ARF4: variants seen among roughly 807,000 people sequenced by gnomAD.
The protein encoded by ARF4 is ADP-ribosylation factor 4.
In ARF4, 5 loss-of-function variants were observed where a neutral mutation model predicts 24.3. The ratio of observed to expected loss-of-function variants is 0.21; its 90% confidence interval spans 0.11 to 0.43. The LOEUF (loss-of-function observed/expected upper bound fraction) is 0.43, where lower values mean the gene tolerates loss of function less well. ARF4 is among the 20% of genes least tolerant of loss of function. The pLI is 1.00. For missense variants in ARF4, 107 were observed against 213.0 expected (o/e 0.50, Z 3.10); for synonymous variants, 62 against 73.5 (o/e 0.84, Z 0.80).
chr3:57,583,693 C>T (rs141747522), intron 3 of ARF4, among the ~76,000 whole-genome samples: 1 of 152,274 alleles, frequency 6.6e-6, no homozygotes, highest in East Asian at 1.9e-4. Context: ...CAAACACTTA[C>T]CGCAATTGCT....
chr3:57,586,004 GGA>G (rs2070032557), intron 1 of ARF4, among the ~76,000 whole-genome samples: 1 of 152,042 alleles, frequency 6.6e-6, no homozygotes, highest in African/African-American at 2.4e-5. Flanking sequence ...GTACAAGTAG[GGA>G]GGAATGTGTT....
chr3:57,579,239 A>T (rs1367141603), intron 3 of ARF4, among the ~76,000 whole-genome samples: 4 of 132,816 alleles, frequency 3.0e-5, no homozygotes, highest in African/African-American at 1.1e-4. Flanking sequence ...GGGCGACAAG[A>T]GCAAACTACA....
intron 1 of ARF4, among the ~76,000 whole-genome samples, chr3:57,592,589 C>T (rs1384455784): frequency 3.3e-5 from 5 of 152,270 alleles, no homozygotes; most frequent in Non-Finnish European, 2.9e-5. Flanking sequence ...CTTCTACACA[C>T]GGATGAGAAA....
At chr3:57,589,376 CATG>C (rs1262923050) in intron 1 of ARF4, among the ~76,000 whole-genome samples, 1 of 151,962 alleles carries the variant, frequency 6.6e-6, no homozygotes, top group East Asian at 1.9e-4. Context: ...TGCAGCGAGC[CATG>C]ATCACACCAC....
intron 1 of ARF4, among the ~76,000 whole-genome samples, chr3:57,586,885 T>G (rs1335087579): frequency 1.3e-5 from 2 of 152,156 alleles, no homozygotes; most frequent in Admixed American, 6.6e-5. Flanking sequence ...AATTAACCTT[T>G]AAGTTCAAAT....
intron 1 of ARF4, among the ~76,000 whole-genome samples, chr3:57,595,223 C>G (rs1308106061): frequency 2.0e-5 from 3 of 152,082 alleles, no homozygotes; most frequent in Non-Finnish European, 4.4e-5. Flanking sequence ...TCATCAATCA[C>G]AAAAGACTAA....
chr3:57,575,781 C>T (rs2069896087), intron 4 of ARF4, 108 bp from the exon 5 acceptor site: 2 of 1,218,574 alleles, frequency 1.6e-6, no homozygotes, highest in Non-Finnish European at 1.1e-6. Flanking sequence ...TAAACATTAA[C>T]CTAATTTCTC....
intron 1 of ARF4, among the ~76,000 whole-genome samples, chr3:57,585,843 G>A (rs1252710908): frequency 2.0e-5 from 3 of 151,902 alleles, no homozygotes; most frequent in Admixed American, 6.6e-5. Flanking sequence ...TGTATTTTTA[G>A]TAGAGACGGG....
rs908662589 is a variant in ARF4, at chr3:57,588,435, T to C, written c.68-3971A>G. On this transcript the variant is annotated intron_variant, in intron 1 of 5. Transcript: ENST00000303436. ...AGTAAATTAGCTGGGAAGCTGTGCA[T>C]GGTGGCTCACACCTGTAATCCCAGC... 5.3e-5 allele frequency among the ~76,000 whole-genome samples: 8 copies of C among 152,198 alleles called. No individual in the cohort carries two copies. In the East Asian group the frequency reaches 5.8e-4, roughly 11 times the overall value.
At chr3:57,576,114 G>C (rs547350326) in intron 4 of ARF4, among the ~76,000 whole-genome samples, 1 of 152,190 alleles carries the variant, frequency 6.6e-6, no homozygotes, top group African/African-American at 2.4e-5. Context: ...CAATTATCTG[G>C]GTGTTGGCAG....
chr3:57,586,037 C>T (rs1187599439), intron 1 of ARF4, among the ~76,000 whole-genome samples: 1 of 152,122 alleles, frequency 6.6e-6, no homozygotes, highest in Non-Finnish European at 1.5e-5. Context: ...AAAAAATCCA[C>T]ACTAGAACAA....
intron 4 of ARF4, among the ~76,000 whole-genome samples, chr3:57,577,054 TA>T (rs914986052): frequency 2.6e-3 from 352 of 137,594 alleles, no homozygotes; most frequent in African/African-American, 3.7e-3. Context: ...TGAGGCATTC[TA>T]AAAAAAAAAA....
intron 3 of ARF4, among the ~76,000 whole-genome samples, chr3:57,578,061 C>G (rs943649116): frequency 6.6e-6 from 1 of 151,676 alleles, no homozygotes; most frequent in Admixed American, 6.6e-5. Flanking sequence ...AAAAAACAAA[C>G]AAAAAAACCC....
intron 3 of ARF4, among the ~76,000 whole-genome samples, chr3:57,578,346 G>A (rs1428906807): frequency 1.3e-5 from 2 of 150,754 alleles, no homozygotes; most frequent in Admixed American, 1.3e-4. Flanking sequence ...CTGGAGCCCA[G>A]CAGTTTGAGA....
chr3:57,596,445 T>A (rs1048440347), intron 1 of ARF4, among the ~76,000 whole-genome samples: 33 of 152,118 alleles, frequency 2.2e-4, no homozygotes, highest in Admixed American at 1.9e-3. Context: ...TTTCGGAGAA[T>A]GAGATTAACA....
intron 1 of ARF4, among the ~76,000 whole-genome samples, chr3:57,594,116 C>T (rs1014711689): frequency 6.6e-6 from 1 of 151,954 alleles, no homozygotes; most frequent in Non-Finnish European, 1.5e-5. Context: ...ATTAGCTGGG[C>T]TTGGTGGCGG....
rs377447153 is a variant in ARF4 at position 57,575,719 on chromosome 3, A to G, written c.331-46T>C. 7.1e-6 allele frequency: 11 copies of G among 1,555,596 alleles called. No individual in the cohort carries two copies. In the East Asian group the frequency reaches 1.4e-4, roughly 20 times the overall value. On this transcript the variant is annotated intron_variant, in intron 4 of 5. Coordinates refer to ENST00000303436, the MANE Select transcript of ARF4 (RefSeq NM_001660.4). ...ATTAACAACTACCAACCGGAATCCA[A>G]TTTTTGAAAATGTCTTCCTATATAT...
chr3:57,592,626 C>T (rs2070128852), intron 1 of ARF4, among the ~76,000 whole-genome samples: 2 of 152,116 alleles, frequency 1.3e-5, no homozygotes, highest in Non-Finnish European at 2.9e-5. Flanking sequence ...AGTTAATTAG[C>T]AGCAAATTAT....
rs1421517258 is a variant in ARF4 at position 57,579,237 on chromosome 3, A to T, written c.259-1850T>A. Among the ~76,000 whole-genome samples, 3 of 95,310 alleles carry T rather than the reference A, an allele frequency of 3.1e-5. No homozygotes were observed. The Admixed American group carries it at 3.8e-4, about 12-fold the overall frequency. 62.5% of individuals were successfully genotyped at this position (95,310 alleles called of 152,430 possible). ...CCATTGCACTCCAGCCTGGGCGACA[A>T]GAGCAAACTACATCTCAAAAAAAAA... On this transcript the variant is annotated intron_variant, in intron 3 of 5. Coordinates refer to ENST00000303436, the MANE Select transcript of ARF4 (RefSeq NM_001660.4).
Sources: gnomAD v4.1 joint callset for allele counts (sites outside exome capture counted in the v4.1 genomes callset) on GRCh38, gnomAD v4.1.1 for gene constraint, MANE v1.5 for transcripts, NCBI Gene and HGNC (gene_info 2026-07-23, HGNC 2026-07-21) for gene names.